The following SARNP variants were observed in gnomAD, a reference collection of about 807,000 sequenced individuals.
The protein encoded by SARNP is SAP domain-containing ribonucleoprotein.
In SARNP, 5 loss-of-function variants were observed where a neutral mutation model predicts 38.1. That is an observed-to-expected ratio of 0.13 (90% confidence interval 0.07 to 0.28). The LOEUF is 0.28. SARNP is among the 10% of genes least tolerant of loss of function. SARNP has a pLI of 1.00. For missense variants in SARNP, 180 were observed against 243.9 expected (o/e 0.74, Z 1.75); for synonymous variants, 84 against 80.6 (o/e 1.04, Z -0.23).
chr12:55,816,784 T>TA (rs1880501488), intron 1 of SARNP, among the ~76,000 whole-genome samples: 1 of 152,172 alleles, frequency 6.6e-6, no homozygotes. Flanking sequence ...TATATTTTTT[T>TA]AACTTTTTTA....
chr12:55,762,305 CTTTT>C (rs199874808), intron 9 of SARNP, among the ~76,000 whole-genome samples: 2 of 137,284 alleles, frequency 1.5e-5, no homozygotes, highest in Non-Finnish European at 3.2e-5. Flanking sequence ...TTCAAACAAA[CTTTT>C]TTTTTTTTTT....
chr12:55,796,009 G>A lies in SARNP; in HGVS notation c.303+16C>T, dbSNP rs1383236792. The stretch of plus-strand genomic sequence containing the variant: ...AGAAATGTAGAGACTGTTCTACTAG[G>A]GAGCAGAATACCTACCTCAGTCTGT... On this transcript the variant is annotated intron_variant, in intron 5 of 10. Transcript: ENST00000336133. 6.4e-7 allele frequency: 1 copy of A among 1,557,130 alleles called. No homozygotes were observed. The highest frequency in any genetic ancestry group is 8.9e-7 in the Non-Finnish European group (1 of 1,128,716).
intron 1 of SARNP, among the ~76,000 whole-genome samples, chr12:55,805,522 G>T (rs905131969): frequency 6.6e-6 from 1 of 152,156 alleles, no homozygotes; most frequent in Non-Finnish European, 1.5e-5. Context: ...CAGCAGCCTA[G>T]CTAACATGGT....
In SARNP at chr12:55,759,433, T is replaced by G. The variant is rs75229934; in HGVS notation, c.591+1118A>C. Among the ~76,000 whole-genome samples the G allele has an allele frequency of 2.1e-4, 32 of 150,888 alleles. No homozygotes were observed. In the East Asian group the frequency reaches 5.8e-3, roughly 27 times the overall value. ...CTTTTTCTTTTCTTTTTTTTTTTTT[T>G]GAGAGCAAGTCTCACTCTGTAGCCC... On this transcript the variant is annotated intron_variant, in intron 10 of 10. Transcript: ENST00000336133.
intron 1 of SARNP, among the ~76,000 whole-genome samples, chr12:55,811,812 T>C (rs554481499): frequency 7.9e-5 from 12 of 152,220 alleles, no homozygotes; most frequent in Admixed American, 7.9e-4. Context: ...CAAAGGCTAA[T>C]TCACTTCCCG....
intron 5 of SARNP, among the ~76,000 whole-genome samples, chr12:55,795,424 G>C (rs748456400): frequency 6.6e-5 from 10 of 151,890 alleles, no homozygotes; most frequent in Non-Finnish European, 1.5e-4. Flanking sequence ...AAACAAAAGG[G>C]AGAAATAAAG....
At chr12:55,791,223 TTC>T in intron 7 of SARNP, among the ~76,000 whole-genome samples, 2 of 152,310 alleles carry the variant, frequency 1.3e-5, no homozygotes, top group South Asian at 4.1e-4. Context: ...GGCACAGACT[TTC>T]TTTTTGGGGT....
intron 9 of SARNP, among the ~76,000 whole-genome samples, chr12:55,775,972 A>G (rs1264037441): frequency 6.6e-6 from 1 of 152,204 alleles, no homozygotes; most frequent in Non-Finnish European, 1.5e-5. Flanking sequence ...TCCTATCAAA[A>G]AAATTAATCA....
At chr12:55,765,170 TCA>T (rs758039286) in intron 9 of SARNP, among the ~76,000 whole-genome samples, 23 of 152,322 alleles carry the variant, frequency 1.5e-4, no homozygotes, top group Non-Finnish European at 2.5e-4. Flanking sequence ...CAAGTTCAAA[TCA>T]CAGAGGAGAT....
In SARNP at chr12:55,796,091, GA is replaced by G; in HGVS notation, c.252-16del. ...TCTCTGCTGCCCTAGAAAAGAAAGA[GA>G]TTTTTTAAAATGAGAAAACTGATAT... is the stretch of plus-strand genomic sequence containing the variant. On this transcript the variant is annotated splice_polypyrimidine_tract_variant and intron_variant, in intron 4 of 10. Transcript: ENST00000336133. 5.0e-6 allele frequency: 8 copies of G among 1,589,584 alleles called. No individual in the cohort carries two copies. Among genetic ancestry groups the G allele is most frequent in the Non-Finnish European group, 6.9e-6 (8 of 1,158,776 alleles).
At chr12:55,810,604 C>T (rs1880297741) in intron 1 of SARNP, among the ~76,000 whole-genome samples, 1 of 151,924 alleles carries the variant, frequency 6.6e-6, no homozygotes, top group Non-Finnish European at 1.5e-5. Context: ...AGGCGTGCAC[C>T]ACCATGCCCA....
intron 7 of SARNP, among the ~76,000 whole-genome samples, chr12:55,791,804 A>T (rs184715156): frequency 1.3e-5 from 2 of 152,338 alleles, no homozygotes; most frequent in Admixed American, 1.3e-4. Flanking sequence ...TTTACTTCAA[A>T]CTTTTCAGGA....
chr12:55,805,824 G>A (rs1592580986), intron 1 of SARNP, among the ~76,000 whole-genome samples: 1 of 152,032 alleles, frequency 6.6e-6, no homozygotes, highest in Non-Finnish European at 1.5e-5. Flanking sequence ...ACTCCAGCAG[G>A]TGAAAGAGTG....
In SARNP at chr12:55,777,370, CT is replaced by C. The variant is rs111979451; in HGVS notation, c.501+11704del. Among the ~76,000 whole-genome samples the C allele has an allele frequency of 3.5e-3, 512 of 147,976 alleles. 3 individuals carry two copies. Among genetic ancestry groups the C allele is most frequent in the African/African-American group, 0.011 (459 of 40,304 alleles). Reference sequence around the variant, plus strand: ...TTTCTCTAAATTTTAAAAACTTTTCCTTTTTTTTTTATTTTTTTTTTTGAGA... The same window carrying C: ...TTTCTCTAAATTTTAAAAACTTTTCCTTTTTTTTTATTTTTTTTTTTGAGA... On this transcript the variant is annotated intron_variant, in intron 9 of 10. Coordinates refer to ENST00000336133, the MANE Select transcript of SARNP (RefSeq NM_033082.4).
intron 2 of SARNP, among the ~76,000 whole-genome samples, chr12:55,802,776 T>G (rs1880019103): frequency 1.3e-5 from 2 of 151,458 alleles, no homozygotes; most frequent in Admixed American, 1.3e-4. Context: ...GTAGTATCAC[T>G]TATAGTAGCA....
chr12:55,773,905 A>G (rs1408921998), intron 9 of SARNP, among the ~76,000 whole-genome samples: 2 of 152,006 alleles, frequency 1.3e-5, no homozygotes, highest in African/African-American at 4.8e-5. Flanking sequence ...ACGGGGTTTC[A>G]CCATGTTGGC....
chr12:55,784,733 T>C (rs970884128), intron 9 of SARNP, among the ~76,000 whole-genome samples: 7 of 152,256 alleles, frequency 4.6e-5, no homozygotes, highest in Admixed American at 3.3e-4. Flanking sequence ...CAAATGGCTT[T>C]GTAAAATAAG....
At chr12:55,794,957 TAAAAAAAAAAAAA>T (rs373511418) in intron 5 of SARNP, 77 bp from the exon 6 acceptor site, 28 of 145,412 alleles carry the variant, frequency 1.9e-4, no homozygotes, top group Admixed American at 8.4e-4. Flanking sequence ...TAGGTATCTT[TAAAAAAAAAAAAA>T]AAAAAAAAAA....
intron 10 of SARNP, 130 bp from the exon 11 acceptor site, chr12:55,757,683 T>G: frequency 1.6e-6 from 1 of 615,840 alleles, no homozygotes; most frequent in Non-Finnish European, 2.8e-6. Flanking sequence ...AGACTTGAGC[T>G]TGGTAGCTAG....
Sources: gnomAD v4.1 joint callset for allele counts (sites outside exome capture counted in the v4.1 genomes callset) on GRCh38, gnomAD v4.1.1 for gene constraint, MANE v1.5 for transcripts, NCBI Gene and HGNC (gene_info 2026-07-23, HGNC 2026-07-21) for gene names.